Variants in FBXW8 observed in about 807,000 individuals in gnomAD.
FBXW8 encodes the protein F-box and WD repeat domain containing 8.
Under a neutral mutation model 65.3 loss-of-function variants are expected in FBXW8, and 57 were observed. That is an observed-to-expected ratio of 0.87 (90% CI 0.71 to 1.09). The LOEUF (loss-of-function observed/expected upper bound fraction) is 1.09. Ranked by LOEUF, FBXW8 falls within the 50% of genes least tolerant of loss-of-function variation. FBXW8 has a pLI of 0.00. For missense variants in FBXW8, 777 were observed against 814.8 expected, an observed-to-expected ratio of 0.95 and a Z score of 0.57; for synonymous variants, 308 against 330.2, an observed-to-expected ratio of 0.93 and a Z score of 0.73.
chr12:116,924,660 A>G (rs960240436), intron 1 of FBXW8, among the ~76,000 whole-genome samples: 1 of 152,112 alleles, frequency 6.6e-6, no homozygotes, highest in Non-Finnish European at 1.5e-5. Context: ...GAAGTACCCA[A>G]TCAGAGTGCC....
chr12:116,971,053 A>G (rs4767486), intron 5 of FBXW8, among the ~76,000 whole-genome samples: 83,056 of 152,066 alleles, frequency 0.55, 26,690 homozygotes, highest in Admixed American at 0.7. Context: ...AACACTAGGA[A>G]TGCTCACATT....
intron 5 of FBXW8, among the ~76,000 whole-genome samples, chr12:116,980,737 A>G (rs530906006): frequency 6.6e-6 from 1 of 152,370 alleles, no homozygotes; most frequent in Admixed American, 6.5e-5. Context: ...TAAAACATCT[A>G]GAAAAGTTTG....
At chr12:116,955,049 C>G (rs371681424) in intron 4 of FBXW8, among the ~76,000 whole-genome samples, 3,976 of 120,312 alleles carry the variant, frequency 0.033, 104 homozygotes, top group South Asian at 0.066. Context: ...GGGGGGGGGG[C>G]CCTGTATTAA....
chr12:116,969,237 T>C (rs757789271), intron 5 of FBXW8, among the ~76,000 whole-genome samples: 1 of 152,168 alleles, frequency 6.6e-6, no homozygotes, highest in Non-Finnish European at 1.5e-5. Context: ...TCGTTTCAAG[T>C]TCATTTTGGT....
At chr12:116,915,138 A>G (rs1880302162) in intron 1 of FBXW8, among the ~76,000 whole-genome samples, 1 of 152,214 alleles carries the variant, frequency 6.6e-6, no homozygotes, top group Admixed American at 6.5e-5. Context: ...GTTTATGGAA[A>G]AGGCTTGGAT....
At chr12:117,022,835 C>T (rs941105241) in intron 8 of FBXW8, among the ~76,000 whole-genome samples, 4 of 152,172 alleles carry the variant, frequency 2.6e-5, no homozygotes, top group Non-Finnish European at 5.9e-5. Flanking sequence ...ATCTTTTCAT[C>T]CTCCTTTACA....
chr12:117,018,664 G>C (rs1037817418), intron 8 of FBXW8, among the ~76,000 whole-genome samples: 1 of 152,176 alleles, frequency 6.6e-6, no homozygotes, highest in African/African-American at 2.4e-5. Flanking sequence ...TTTTTCCCAG[G>C]GGGGAGAAAT....
chr12:117,020,738 C>T (rs1046984239), intron 8 of FBXW8, among the ~76,000 whole-genome samples: 2 of 152,214 alleles, frequency 1.3e-5, no homozygotes, highest in African/African-American at 2.4e-5. Context: ...CTGAGCCTGG[C>T]GCTTGCCAGC....
Position 116,988,669 on chromosome 12 carries a change from T to C in FBXW8, c.1039T>C (p.Tyr347His), listed in dbSNP as rs763233036. The C allele has an allele frequency of 6.2e-6, 10 of 1,614,122 alleles. No homozygotes were observed. The East Asian group carries it at 2.0e-4, about 32-fold the overall frequency. The change falls in exon 7 of 11, where the codon TAC (tyrosine) becomes CAC (histidine). Residue 347 changes from tyrosine (Y) to histidine (H), a missense_variant. By Grantham distance (83) the Tyr-to-His change is moderately conservative. Coordinates refer to ENST00000652555, the MANE Select transcript of FBXW8 (RefSeq NM_153348.3). ...AEFEVPKLVQ[Y>H]LEIVPETRRY... Reference sequence around the variant, plus strand: ...AACTCTTACCTTTTAACAGGTTCAGTACCTTGAAATAGTTCCAGAAACCAG... The same window carrying C: ...AACTCTTACCTTTTAACAGGTTCAGCACCTTGAAATAGTTCCAGAAACCAG...
intron 3 of FBXW8, 104 bp downstream of exon 3, chr12:116,945,632 A>AG: frequency 8.6e-7 from 1 of 1,158,546 alleles, no homozygotes; most frequent in Non-Finnish European, 1.2e-6. Context: ...CAGCGAAGGG[A>AG]GAGGGGTACA....
At chr12:116,988,309 C>A (rs1398275854) in intron 6 of FBXW8, among the ~76,000 whole-genome samples, 1 of 152,138 alleles carries the variant, frequency 6.6e-6, no homozygotes, top group African/African-American at 2.4e-5. Flanking sequence ...AAGATTATAT[C>A]CCCACCAGCA....
At chr12:117,014,634 C>A (rs116637533) in intron 8 of FBXW8, among the ~76,000 whole-genome samples, 2 of 152,184 alleles carry the variant, frequency 1.3e-5, no homozygotes, top group African/African-American at 4.8e-5. Context: ...TAGGTTCAGA[C>A]GGCAAGTTCT....
rs1881519853 is a variant in FBXW8, at chr12:116,928,566, A to C, written c.423+439A>C. On this transcript the variant is annotated intron_variant, in intron 2 of 10. Transcript: ENST00000652555. The stretch of plus-strand genomic sequence containing the variant: ...AGGTGAAGTCATGTTTTAGGTGTAT[A>C]GTCCAAATTACCCTTTAAACTTTAG... 2.0e-5 allele frequency among the ~76,000 whole-genome samples: 3 copies of C among 152,218 alleles called. No homozygotes were observed. The South Asian group carries it at 6.2e-4, about 32-fold the overall frequency.
chr12:116,943,545 T>C (rs1447255580), intron 2 of FBXW8, among the ~76,000 whole-genome samples: 1 of 152,230 alleles, frequency 6.6e-6, no homozygotes, highest in Non-Finnish European at 1.5e-5. Context: ...CAGCCTTTGC[T>C]GAGGTGCTCT....
At position 117,030,582 on chromosome 12, in the gene FBXW8, T is replaced by A. The variant is rs988738524; in HGVS notation, c.*2410T>A. 1 of 152,208 alleles carries A rather than the reference T, an allele frequency of 6.6e-6. No homozygotes were observed. The highest frequency in any genetic ancestry group is 2.4e-5 in the African/African-American group (1 of 41,472). 9.4% of individuals were successfully genotyped at this position (152,208 alleles called of 1,614,324 possible). ...GCAGGCGCATTCGCCCTTCCTAGTT[T>A]GCAGCAATTAAAGATAACGGAGTGT... On this transcript the variant is annotated 3_prime_UTR_variant, in exon 11 of 11. Transcript: ENST00000652555.
Position 117,028,245 on chromosome 12 carries a change from C to T in FBXW8, c.*73C>T. The T allele has an allele frequency of 1.0e-5, 16 of 1,568,922 alleles. No individual in the cohort carries two copies. The highest frequency in any genetic ancestry group is 1.4e-5 in the Non-Finnish European group (16 of 1,152,956). ...TTATCCATCTTAAAACGCCAGGCAC[C>T]TCTTCACAGGTGGTAAACATTTAGG... is the stretch of plus-strand genomic sequence containing the variant. On this transcript the variant is annotated 3_prime_UTR_variant, in exon 11 of 11. Transcript: ENST00000652555. The surrounding 1 kb of genome is among the most constrained non-coding windows in gnomAD (Gnocchi z 4.1).
At chr12:116,991,595 T>C (rs1953242379) in intron 7 of FBXW8, among the ~76,000 whole-genome samples, 1 of 152,244 alleles carries the variant, frequency 6.6e-6, no homozygotes, top group Admixed American at 6.5e-5. Flanking sequence ...GGTGTGAGAC[T>C]ATTAGCAGTA....
chr12:116,998,214 T>C lies in FBXW8; in HGVS notation c.1239+9345T>C, dbSNP rs148430304. 4.4e-3 allele frequency among the ~76,000 whole-genome samples: 664 copies of C among 152,370 alleles called. 5 individuals are homozygous for C. Among genetic ancestry groups the C allele is most frequent in the Non-Finnish European group, 8.0e-3 (545 of 68,032 alleles). The stretch of plus-strand genomic sequence containing the variant: ...TAATGGAATAAGCTAATGTGAATGC[T>C]GTCACTTCATATGAAACCCTTCAAG... On this transcript the variant is annotated intron_variant, in intron 7 of 10. Coordinates refer to ENST00000652555, the MANE Select transcript of FBXW8 (RefSeq NM_153348.3).
chr12:116,999,392 C>T (rs1279135661), intron 7 of FBXW8, among the ~76,000 whole-genome samples: 1 of 152,190 alleles, frequency 6.6e-6, no homozygotes, highest in Non-Finnish European at 1.5e-5. Flanking sequence ...TTCTTTGGGT[C>T]TTTGCAGGGT....
Sources: allele counts gnomAD v4.1 joint callset (sites outside exome capture counted in the v4.1 genomes callset), GRCh38; gene constraint gnomAD v4.1.1; non-coding constraint Gnocchi (gnomAD v3.1); transcripts MANE v1.5; gene names NCBI Gene and HGNC (gene_info 2026-07-23, HGNC 2026-07-21).